EYA1: variants seen among roughly 807,000 people sequenced by gnomAD.
EYA1 encodes the protein EYA transcriptional coactivator and phosphatase 1.
In EYA1, 16 loss-of-function variants were observed where a neutral mutation model predicts 82.0. The ratio of observed to expected loss-of-function variants is 0.20; its 90% CI spans 0.13 to 0.30. The LOEUF (loss-of-function observed/expected upper bound fraction) is 0.30. EYA1 is among the 10% of genes least tolerant of loss of function. The pLI is 1.00. For synonymous variants in EYA1, 261 were observed against 264.4 expected, an observed-to-expected ratio of 0.99 and a Z score of 0.12; for missense variants, 633 against 730.7, an observed-to-expected ratio of 0.87 and a Z score of 1.54.
At chr8:71,371,259 C>T (rs1365520780) in intron 2 of EYA1, among the ~76,000 whole-genome samples, 1 of 152,090 alleles carries the variant, frequency 6.6e-6, no homozygotes, top group Non-Finnish European at 1.5e-5. Flanking sequence ...AAGAAGCATG[C>T]ACCATTTTGA....
At chr8:71,372,423 CA>C (rs1038323197) in intron 2 of EYA1, among the ~76,000 whole-genome samples, 14 of 152,130 alleles carry the variant, frequency 9.2e-5, no homozygotes, top group Non-Finnish European at 2.1e-4. Flanking sequence ...GTTAACTTCC[CA>C]ATCAGGTTAA....
At chr8:71,269,901 A>G in intron 10 of EYA1, 78 bp from the exon 11 acceptor site, 1 of 1,071,170 alleles carries the variant, frequency 9.3e-7, no homozygotes, top group Non-Finnish European at 1.5e-6. Context: ...AACACGAAAA[A>G]GTCATCTTGA....
intron 3 of EYA1, among the ~76,000 whole-genome samples, chr8:71,344,065 T>A (rs918600863): frequency 1.3e-5 from 2 of 152,180 alleles, no homozygotes; most frequent in African/African-American, 2.4e-5. Context: ...GTTGCAGATA[T>A]AATACACTTC....
chr8:71,426,901 C>A (rs919818362), intron 2 of EYA1, among the ~76,000 whole-genome samples: 1 of 152,092 alleles, frequency 6.6e-6, no homozygotes, highest in African/African-American at 2.4e-5. Context: ...TATGCATTAA[C>A]CCTAAAGATT....
intron 1 of EYA1, 63 bp from the exon 2 acceptor site, chr8:71,356,574 T>C: frequency 5.2e-6 from 8 of 1,533,166 alleles, no homozygotes; most frequent in Non-Finnish European, 7.0e-6. Flanking sequence ...AGCTCTTAAT[T>C]ATACAGAGCA....
chr8:71,362,549 T>A (rs1023054050), upstream of EYA1, among the ~76,000 whole-genome samples: 1 of 152,028 alleles, frequency 6.6e-6, no homozygotes, highest in Admixed American at 6.5e-5. Flanking sequence ...CTGGGGGAAA[T>A]AAAAAACTAG....
At chr8:71,287,088 C>T (rs1387011051) in intron 9 of EYA1, among the ~76,000 whole-genome samples, 2 of 151,966 alleles carry the variant, frequency 1.3e-5, no homozygotes, top group South Asian at 4.1e-4. Flanking sequence ...GCGTGAGACA[C>T]CCCGCTTGGC....
intron 16 of EYA1, among the ~76,000 whole-genome samples, chr8:71,211,617 CA>C (rs1357243442): frequency 2.0e-5 from 3 of 152,160 alleles, no homozygotes; most frequent in Admixed American, 6.5e-5. Context: ...AAGCTGAACT[CA>C]AACATAGGCA....
intron 2 of EYA1, among the ~76,000 whole-genome samples, chr8:71,523,327 C>T (rs1283858509): frequency 6.6e-6 from 1 of 151,846 alleles, no homozygotes; most frequent in Non-Finnish European, 1.5e-5. Context: ...TACAGGCACC[C>T]GCCACCACGC....
At chr8:71,492,462 A>AT (rs1020186831) in intron 2 of EYA1, among the ~76,000 whole-genome samples, 2 of 124,358 alleles carry the variant, frequency 1.6e-5, no homozygotes, top group East Asian at 4.2e-4. Flanking sequence ...TTATTTATTT[A>AT]TTATTATTTT....
At chr8:71,391,836 T>C (rs1350756164) in intron 2 of EYA1, among the ~76,000 whole-genome samples, 1 of 152,190 alleles carries the variant, frequency 6.6e-6, no homozygotes, top group Non-Finnish European at 1.5e-5. Flanking sequence ...GTTCCTTGTA[T>C]GTAGAGCTCA....
chr8:71,233,193 A>G (rs958179145), intron 12 of EYA1, among the ~76,000 whole-genome samples: 2 of 152,168 alleles, frequency 1.3e-5, no homozygotes. Context: ...AAAACAGAAA[A>G]TTTCTCTTAT....
At chr8:71,350,773 A>G (rs937745830) in intron 3 of EYA1, among the ~76,000 whole-genome samples, 3 of 152,202 alleles carry the variant, frequency 2.0e-5, no homozygotes, top group Admixed American at 2.0e-4. Flanking sequence ...AACCAAAAAT[A>G]AACACTCAAA....
chr8:71,529,405 A>G (rs1303610657), intron 2 of EYA1: 3 of 152,224 alleles, frequency 2.0e-5, no homozygotes, highest in African/African-American at 7.2e-5. Flanking sequence ...AGTATTGGAA[A>G]ATAATTATAT....
chr8:71,401,970 G>T lies in EYA1; in HGVS notation c.34-45459C>A, dbSNP rs9643625. On this transcript the variant is annotated intron_variant, in intron 2 of 18. Transcript: ENST00000643681. ...AAGGATGCCAGTGATATCTCTGACC[G>T]TAAGAACTGTCCAGTCACTGCCCTT... is the stretch of plus-strand genomic sequence containing the variant. Among the ~76,000 whole-genome samples the T allele has an allele frequency of 6.6e-5, 10 of 152,060 alleles. No individual in the cohort carries two copies. The East Asian group carries it at 1.9e-3, about 29-fold the overall frequency.
chr8:71,315,806 C>A (rs1217715924), intron 7 of EYA1, among the ~76,000 whole-genome samples: 1 of 152,150 alleles, frequency 6.6e-6, no homozygotes, highest in East Asian at 1.9e-4. Context: ...TAAATAATAT[C>A]CTTCTACCAA....
chr8:71,299,173 G>T lies in EYA1; in HGVS notation c.700C>A (p.Pro234Thr). ...GQYAQYYNSS[P>T]YPAHYMTSSN... ...CTGGTCATATAATGTGCTGGATACG[G>T]TGAGCTGTTATAATACTGTGCGTAC... Residue 234 changes from proline to threonine, a missense_variant, in exon 9 of 18, where the codon CCG (proline) becomes ACG (threonine). Physicochemically the swap from Pro to Thr is conservative, Grantham distance 38. Transcript: ENST00000340726. 1 of 1,614,164 alleles carries T rather than the reference G, an allele frequency of 6.2e-7. No homozygotes were observed. The highest frequency in any genetic ancestry group is 8.5e-7 in the Non-Finnish European group (1 of 1,180,012).
At chr8:71,472,555 G>C (rs1809288999) in intron 2 of EYA1, among the ~76,000 whole-genome samples, 1 of 151,946 alleles carries the variant, frequency 6.6e-6, no homozygotes, top group Admixed American at 6.6e-5. Flanking sequence ...TGGAAACTGA[G>C]TACTTCACAG....
rs550608063 is a variant in EYA1 at position 71,276,893 on chromosome 8, G to A, written c.827-4996C>T. On this transcript the variant is annotated intron_variant, in intron 9 of 17. Transcript: ENST00000340726. ...ACTCAGTTTTTTCATTTGTAAAACG[G>A]GAATAAATGGGGTAAAATAAAACTA... Among the ~76,000 whole-genome samples, 4 of 152,116 alleles carry A rather than the reference G, an allele frequency of 2.6e-5. No individual in the cohort carries two copies. The South Asian group carries it at 8.3e-4, about 32-fold the overall frequency.
Sources: gnomAD v4.1 joint callset for allele counts (sites outside exome capture counted in the v4.1 genomes callset) on GRCh38, gnomAD v4.1.1 for gene constraint, MANE v1.5 for transcripts, NCBI Gene and HGNC (gene_info 2026-07-23, HGNC 2026-07-21) for gene names.